The following PDE1C variants were observed in gnomAD, a reference collection of about 807,000 sequenced individuals.
The protein encoded by PDE1C is dual specificity calcium/calmodulin-dependent 3',5'-cyclic nucleotide phosphodiesterase 1C.
A neutral mutation model predicts 93.1 loss-of-function variants in PDE1C; 62 were observed. The observed-to-expected ratio is 0.67, with a 90% CI of 0.54 to 0.82. The LOEUF is 0.82. PDE1C is among the 40% of genes least tolerant of loss of function. The pLI is 0.00. For synonymous variants in PDE1C, 325 were observed against 310.1 expected (o/e 1.05, Z -0.50); for missense variants, 742 against 884.6 (o/e 0.84, Z 2.04).
chr7:32,354,472 T>A (rs914655221), intron 1 of PDE1C, among the ~76,000 whole-genome samples: 46 of 152,148 alleles, frequency 3.0e-4, no homozygotes, highest in African/African-American at 7.7e-4. Flanking sequence ...CACAAAAAAA[T>A]TTTTTAATAT....
At chr7:32,407,312 T>G (rs1352491381) in intron 1 of PDE1C, among the ~76,000 whole-genome samples, 1 of 152,034 alleles carries the variant, frequency 6.6e-6, no homozygotes. Context: ...AGGAAAAAGT[T>G]GTCAATTGTG....
intron 1 of PDE1C, among the ~76,000 whole-genome samples, chr7:32,344,842 C>G (rs1783822276): frequency 6.6e-6 from 1 of 152,166 alleles, no homozygotes. Flanking sequence ...AGGCCTAGAA[C>G]AGTGCCTGGT....
chr7:32,051,033 T>C (rs1402124051), intron 2 of PDE1C, among the ~76,000 whole-genome samples: 1 of 152,156 alleles, frequency 6.6e-6, no homozygotes, highest in African/African-American at 2.4e-5. Flanking sequence ...GCTGGGCACA[T>C]GAGGGATGAT....
At chr7:32,018,930 G>A (rs1788274252) in intron 2 of PDE1C, among the ~76,000 whole-genome samples, 1 of 152,008 alleles carries the variant, frequency 6.6e-6, no homozygotes, top group South Asian at 2.1e-4. Flanking sequence ...TATAGTGGTA[G>A]TAGAACAACA....
intron 2 of PDE1C, among the ~76,000 whole-genome samples, chr7:31,938,805 T>TA (rs1805428082): frequency 6.6e-6 from 1 of 152,148 alleles, no homozygotes; most frequent in African/African-American, 2.4e-5. Context: ...CACATAAAAC[T>TA]ACTCAATAAT....
chr7:32,402,338 G>C (rs1431139872), intron 1 of PDE1C, among the ~76,000 whole-genome samples: 1 of 152,136 alleles, frequency 6.6e-6, no homozygotes, highest in Non-Finnish European at 1.5e-5. Context: ...GGAGGCCCAA[G>C]AAAGCCAGTG....
At chr7:32,155,597 T>C (rs1173313200) in intron 3 of PDE1C, among the ~76,000 whole-genome samples, 1 of 152,168 alleles carries the variant, frequency 6.6e-6, no homozygotes, top group Non-Finnish European at 1.5e-5. Context: ...AGCCCAGAGC[T>C]CACAGTGCAC....
rs560273624 is a variant in PDE1C at position 32,234,796 on chromosome 7, CCAAA to C, written c.86-25261_86-25258del. 4.4e-4 allele frequency among the ~76,000 whole-genome samples: 67 copies of C among 152,070 alleles called. 1 individual carries two copies. Among genetic ancestry groups the C allele is most frequent in the African/African-American group, 1.6e-3 (66 of 41,556 alleles). On this transcript the variant is annotated intron_variant, in intron 1 of 18. Transcript: ENST00000396193. The stretch of plus-strand genomic sequence containing the variant: ...GGTCATCATTACTCTGATACCAAAA[CCAAA>C]CAAAGACAGCACAAAGAGAAAAACA...
chr7:31,866,409 C>G (rs61286543), intron 6 of PDE1C, among the ~76,000 whole-genome samples: 1 of 152,100 alleles, frequency 6.6e-6, no homozygotes, highest in East Asian at 1.9e-4. Context: ...TCACAGAGAT[C>G]TAAGAGTCGC....
At chr7:31,969,941 A>G (rs1184105568) in intron 2 of PDE1C, among the ~76,000 whole-genome samples, 4 of 152,082 alleles carry the variant, frequency 2.6e-5, no homozygotes, top group Non-Finnish European at 5.9e-5. Flanking sequence ...GAATTGAACA[A>G]TGAGAACTCA....
At chr7:31,834,328 AG>A (rs1197473526) in intron 11 of PDE1C, among the ~76,000 whole-genome samples, 1 of 152,152 alleles carries the variant, frequency 6.6e-6, no homozygotes, top group African/African-American at 2.4e-5. Context: ...CTGTGAGAAG[AG>A]GGCCACTGTT....
chr7:32,017,396 T>A (rs947234162), intron 2 of PDE1C, among the ~76,000 whole-genome samples: 1 of 152,114 alleles, frequency 6.6e-6, no homozygotes, highest in African/African-American at 2.4e-5. Flanking sequence ...ATAAAACTCT[T>A]AGAAGAAAGC....
intron 2 of PDE1C, among the ~76,000 whole-genome samples, chr7:31,881,958 C>G (rs183598674): frequency 2.0e-5 from 3 of 152,252 alleles, no homozygotes; most frequent in Non-Finnish European, 2.9e-5. Context: ...CTCCACTTCC[C>G]GTTGGTATAC....
At chr7:32,227,141 C>T (rs1860226) in intron 1 of PDE1C, among the ~76,000 whole-genome samples, 152,300 of 152,300 alleles carry the variant, frequency 1, 76,150 homozygotes, top group Non-Finnish European at 1. Context: ...GGGCTACGAC[C>T]GGGAACCCTG....
chr7:31,628,735 C>CG, the PDE1C span, among the ~76,000 whole-genome samples: 10 of 152,240 alleles, frequency 6.6e-5, no homozygotes, highest in South Asian at 1.0e-3. Context: ...GGATTACAGG[C>CG]TTGAGCCACC....
intron 3 of PDE1C, among the ~76,000 whole-genome samples, chr7:32,144,543 C>T (rs1414079170): frequency 6.6e-6 from 1 of 152,106 alleles, no homozygotes; most frequent in Non-Finnish European, 1.5e-5. Context: ...GTGGGATCAA[C>T]CTATGAGCTG....
intron 1 of PDE1C, among the ~76,000 whole-genome samples, chr7:32,324,481 A>G (rs899759059): frequency 6.6e-6 from 1 of 152,216 alleles, no homozygotes; most frequent in Non-Finnish European, 1.5e-5. Flanking sequence ...AATCTTCCCA[A>G]ATTGCTTGGT....
chr7:31,821,566 T>G (rs1788965386), intron 14 of PDE1C, among the ~76,000 whole-genome samples: 1 of 152,138 alleles, frequency 6.6e-6, no homozygotes, highest in Non-Finnish European at 1.5e-5. Context: ...CAGGGAAGAT[T>G]GAAATGTTTA....
intron 2 of PDE1C, among the ~76,000 whole-genome samples, chr7:31,995,011 A>G (rs1013367220): frequency 1.3e-5 from 2 of 152,218 alleles, no homozygotes; most frequent in African/African-American, 4.8e-5. Flanking sequence ...GTCAGGACTG[A>G]CCATGATAAT....
Sources: allele counts gnomAD v4.1 joint callset (sites outside exome capture counted in the v4.1 genomes callset), GRCh38; gene constraint gnomAD v4.1.1; transcripts MANE v1.5; gene names NCBI Gene and HGNC (gene_info 2026-07-23, HGNC 2026-07-21).